The following GDI2 variants were observed in gnomAD, a reference collection of about 807,000 sequenced individuals.
GDI2 encodes rab GDP dissociation inhibitor beta.
A neutral mutation model predicts 54.2 loss-of-function variants in GDI2; 22 were observed. The observed-to-expected ratio is 0.41, with a 90% confidence interval of 0.29 to 0.58. The LOEUF (loss-of-function observed/expected upper bound fraction) is 0.58. Ranked by LOEUF, GDI2 falls within the 20% of genes least tolerant of loss-of-function variation. The pLI is 0.35. For missense variants in GDI2, 422 were observed against 546.0 expected (o/e 0.77, Z 2.26); for synonymous variants, 177 against 182.1 (o/e 0.97, Z 0.23).
chr10:5,787,468 T>C (rs981339513), intron 4 of GDI2, among the ~76,000 whole-genome samples: 9 of 151,742 alleles, frequency 5.9e-5, no homozygotes, highest in African/African-American at 1.9e-4. Flanking sequence ...GATTGCACCA[T>C]TGTACTCCAG....
At chr10:5,779,521 T>G (rs4237365) in intron 6 of GDI2, among the ~76,000 whole-genome samples, 48,681 of 148,130 alleles carry the variant, frequency 0.33, 8,181 homozygotes, top group East Asian at 0.37. Context: ...TAAGAAAAAA[T>G]AAAACTATAG....
intron 4 of GDI2, among the ~76,000 whole-genome samples, chr10:5,789,146 C>G (rs956874156): frequency 7.2e-5 from 11 of 151,804 alleles, no homozygotes; most frequent in African/African-American, 2.7e-4. Context: ...ATCTCTGTCA[C>G]CCAGACTAGA....
At chr10:5,790,854 C>T (rs1840994798) in intron 4 of GDI2, among the ~76,000 whole-genome samples, 1 of 152,112 alleles carries the variant, frequency 6.6e-6, no homozygotes, top group Admixed American at 6.5e-5. Flanking sequence ...GACCTCCTCC[C>T]ATGAATTATA....
intron 5 of GDI2, 142 bp from the exon 6 acceptor site, chr10:5,785,415 C>T: frequency 9.5e-6 from 6 of 633,018 alleles, no homozygotes; most frequent in Non-Finnish European, 1.7e-5. Context: ...CACTCTGTCG[C>T]CCAGACTGGA....
chr10:5,813,099 C>G (rs1207965207), intron 1 of GDI2, 115 bp downstream of exon 1: 1 of 622,690 alleles, frequency 1.6e-6, no homozygotes, highest in Non-Finnish European at 2.6e-6. Flanking sequence ...GTCCCGAAAA[C>G]TACGGCTGAC....
rs549279365 is a variant in GDI2 at position 5,769,574 on chromosome 10, G to GAA, written c.820-1192_820-1191dup. On this transcript the variant is annotated intron_variant, in intron 7 of 10. Coordinates refer to ENST00000380191, the MANE Select transcript of GDI2 (RefSeq NM_001494.4). ...CAATGAGCAAAACTCCGTCTCAAAA[G>GAA]AAAAAAAAAAAAAAAATCGAAGGAC... is the stretch of plus-strand genomic sequence containing the variant. Among the ~76,000 whole-genome samples the GAA allele has an allele frequency of 2.4e-3, 203 of 83,692 alleles. 3 individuals carry two copies. The East Asian group carries it at 0.033, about 13-fold the overall frequency. 54.9% of individuals were successfully genotyped at this position (83,692 alleles called of 152,430 possible). A position where few individuals can be genotyped will look rare whatever the true frequency, so the allele number is the denominator to read the frequency against.
At chr10:5,771,242 T>C (rs549573415) in intron 7 of GDI2, among the ~76,000 whole-genome samples, 38 of 152,302 alleles carry the variant, frequency 2.5e-4, no homozygotes, top group African/African-American at 8.7e-4. Context: ...CCTGTTCAAA[T>C]ACTAGGAAAA....
chr10:5,787,856 C>T (rs1488500652), intron 4 of GDI2, among the ~76,000 whole-genome samples: 1 of 152,196 alleles, frequency 6.6e-6, no homozygotes, highest in Non-Finnish European at 1.5e-5. Flanking sequence ...ACCTGAGTTG[C>T]TGTTACCAAC....
At chr10:5,794,442 T>C (rs1393182968) in intron 4 of GDI2, among the ~76,000 whole-genome samples, 1 of 151,742 alleles carries the variant, frequency 6.6e-6, no homozygotes, top group African/African-American at 2.4e-5. Flanking sequence ...CCCAGCTACT[T>C]ATTACGTATG....
intron 6 of GDI2, among the ~76,000 whole-genome samples, chr10:5,777,040 T>C (rs560732649): frequency 7.0e-4 from 107 of 152,326 alleles, no homozygotes; most frequent in African/African-American, 2.5e-3. Flanking sequence ...ATGTATCTGA[T>C]TCACTGACTC....
At chr10:5,788,202 T>TC (rs1840920621) in intron 4 of GDI2, among the ~76,000 whole-genome samples, 3 of 152,138 alleles carry the variant, frequency 2.0e-5, no homozygotes, top group Admixed American at 6.5e-5. Flanking sequence ...TTTTTTTTTT[T>TC]CCATAGAAAC....
At chr10:5,770,027 A>G (rs1175131572) in intron 7 of GDI2, among the ~76,000 whole-genome samples, 1 of 152,236 alleles carries the variant, frequency 6.6e-6, no homozygotes, top group Admixed American at 6.5e-5. Flanking sequence ...CTATCTTTCC[A>G]TACATTGGAA....
chr10:5,788,907 C>A (rs1427596983), intron 4 of GDI2, among the ~76,000 whole-genome samples: 1 of 152,144 alleles, frequency 6.6e-6, no homozygotes, highest in South Asian at 2.1e-4. Context: ...GGATTAAAGG[C>A]ATGCACCATC....
chr10:5,801,367 G>C (rs1440693365), intron 1 of GDI2, among the ~76,000 whole-genome samples: 1 of 152,198 alleles, frequency 6.6e-6, no homozygotes, highest in African/African-American at 2.4e-5. Context: ...TTCATCGCCA[G>C]GCATTCATTT....
chr10:5,808,821 C>T (rs1314470362), intron 1 of GDI2, among the ~76,000 whole-genome samples: 4 of 149,474 alleles, frequency 2.7e-5, no homozygotes, highest in African/African-American at 9.9e-5. Context: ...TACCTAGAAA[C>T]ATGAGAAATT....
chr10:5,782,929 A>G (rs1840793345), intron 6 of GDI2, among the ~76,000 whole-genome samples: 2 of 152,232 alleles, frequency 1.3e-5, no homozygotes, highest in African/African-American at 4.8e-5. Flanking sequence ...GTGGAACTCC[A>G]TCTCCAAAAA....
chr10:5,800,368 C>A (rs1161818980), intron 2 of GDI2, among the ~76,000 whole-genome samples: 1 of 152,218 alleles, frequency 6.6e-6, no homozygotes, highest in Non-Finnish European at 1.5e-5. Flanking sequence ...CCTCTACCCT[C>A]CCTTCCTAGA....
rs377467520 is a variant in GDI2, at chr10:5,808,003, T to C, written c.45+5211A>G. On this transcript the variant is annotated intron_variant, in intron 1 of 10. Coordinates refer to ENST00000380191, the MANE Select transcript of GDI2 (RefSeq NM_001494.4). ...GACTTGGAAGGGAATAGAGCCAAAA[T>C]TTATTAATATTTTGATATACCTTCC... Among the ~76,000 whole-genome samples the C allele has an allele frequency of 2.0e-5, 3 of 152,222 alleles. No homozygotes were observed. In the East Asian group the frequency reaches 5.8e-4, roughly 29 times the overall value.
At position 5,765,266 on chromosome 10, in the gene GDI2, T is replaced by C. The variant is rs1588961221; in HGVS notation, c.*740A>G. ...TTTATTTTGCAGTACAGAAATCATT[T>C]GGAGCCATTTTGAGACAGAAGTAGA... On this transcript the variant is annotated 3_prime_UTR_variant, in exon 11 of 11. Coordinates refer to ENST00000380191, the MANE Select transcript of GDI2 (RefSeq NM_001494.4). The C allele has an allele frequency of 6.5e-6, 1 of 152,694 alleles. No individual in the cohort carries two copies. The highest frequency in any genetic ancestry group is 2.1e-4 in the South Asian group (1 of 4,834). The allele number at this position is 152,694 out of a possible 1,614,324, so 9.5% of individuals were successfully genotyped here.
Sources: gnomAD v4.1 joint callset for allele counts (sites outside exome capture counted in the v4.1 genomes callset) on GRCh38, gnomAD v4.1.1 for gene constraint, MANE v1.5 for transcripts, NCBI Gene and HGNC (gene_info 2026-07-23, HGNC 2026-07-21) for gene names.